The following PITPNM1 variants were observed in gnomAD, a reference collection of about 807,000 sequenced individuals.
PITPNM1 encodes phosphatidylinositol transfer protein membrane associated 1.
In PITPNM1, 74 loss-of-function variants were observed where a neutral mutation model predicts 133.3. The ratio of observed to expected loss-of-function variants is 0.56; its 90% CI spans 0.46 to 0.67. The LOEUF is 0.67. Among genes scored for constraint, PITPNM1 ranks in the 30% least tolerant of loss-of-function variants. The pLI, the probability that PITPNM1 is intolerant of heterozygous loss-of-function variation, is 0.00. For synonymous variants in PITPNM1, 738 were observed against 741.4 expected (o/e 1.00, Z 0.08); for missense variants, 1,398 against 1,739.5 (o/e 0.80, Z 3.49).
Position 67,495,537 on chromosome 11 carries a change from G to A in PITPNM1, c.2383C>T (p.Pro795Ser). ...EELEMLVPST[P>S]TSTSGAFWKG... The stretch of plus-strand genomic sequence containing the variant: ...CAGAAGGCACCGCTAGTAGAGGTGG[G>A]TGTTGAGGGCACCAGCATCTCCAGC... The change falls in exon 16 of 24, where the codon CCC becomes TCC. Residue 795 changes from proline (P) to serine (S), a missense_variant. By Grantham distance (74) the Pro-to-Ser change is moderately conservative. Coordinates refer to ENST00000356404, the MANE Select transcript of PITPNM1 (RefSeq NM_004910.3). 1 of 1,589,940 alleles carries A rather than the reference G, an allele frequency of 6.3e-7. No homozygotes were observed. Among genetic ancestry groups the A allele is most frequent in the South Asian group, 1.1e-5 (1 of 87,692 alleles).
chr11:67,493,388 G>A (rs1866000076), intron 22 of PITPNM1, 22 bp downstream of exon 22: 1 of 1,548,552 alleles, frequency 6.5e-7, no homozygotes. Flanking sequence ...TCAGGACCCG[G>A]AGCCTCCCCC....
Position 67,502,802 on chromosome 11 carries a change from G to C in PITPNM1, c.79-84C>G, listed in dbSNP as rs1866378538. 1 of 1,365,366 alleles carries C rather than the reference G, an allele frequency of 7.3e-7. No individual in the cohort carries two copies. Among genetic ancestry groups the C allele is most frequent in the African/African-American group, 1.4e-5 (1 of 69,946 alleles). The allele number at this position is 1,365,366 out of a possible 1,614,324, so 84.6% of individuals were successfully genotyped here. On this transcript the variant is annotated intron_variant, in intron 2 of 23. Coordinates refer to ENST00000356404, the MANE Select transcript of PITPNM1 (RefSeq NM_004910.3). The surrounding 1 kb of genome is among the most constrained non-coding windows in gnomAD (Gnocchi z 5.9). ...CCAGCTCAGCCTGGTGTTCTACACA[G>C]CTCTGGGGCCCTGGTCCCAGCCTTT...
At position 67,493,601 on chromosome 11, in the gene PITPNM1, G is replaced by A; in HGVS notation, c.3159-8C>T. 1 of 1,545,416 alleles carries A rather than the reference G, an allele frequency of 6.5e-7. No individual in the cohort carries two copies. Among genetic ancestry groups the A allele is most frequent in the Non-Finnish European group, 8.7e-7 (1 of 1,144,084 alleles). ...CCGGAGTCCTGCCAGTGCCTGTGGG[G>A]CGGGGGCAGCGGTCAGCTCCGCTGG... On this transcript the variant is annotated splice_region_variant and splice_polypyrimidine_tract_variant and intron_variant, in intron 21 of 23. Coordinates refer to ENST00000356404, the MANE Select transcript of PITPNM1 (RefSeq NM_004910.3).
At chr11:67,494,201 G>A (rs924479960) in intron 19 of PITPNM1, 43 bp downstream of exon 19, 2 of 1,588,856 alleles carry the variant, frequency 1.3e-6, no homozygotes, top group Middle Eastern at 3.3e-4. Flanking sequence ...GAGGACAGGA[G>A]ATGGGGCCAT....
chr11:67,493,705 G>C lies in PITPNM1; in HGVS notation c.3141C>G (p.Gly1047=). 1 of 1,546,786 alleles carries C rather than the reference G, an allele frequency of 6.5e-7. No homozygotes were observed. The highest frequency in any genetic ancestry group is 8.7e-7 in the Non-Finnish European group (1 of 1,146,938). ...ACTCCTACCTGACCACGTCCACGGCGCCAGCTCGCACCTTGGGGTCGCTGC... is the reference window on the plus strand; with the variant it reads ...ACTCCTACCTGACCACGTCCACGGCCCCAGCTCGCACCTTGGGGTCGCTGC... The part of the protein sequence containing the change: ...IMGSDPKVRA[G]AVDVVRHWQD... The change falls in exon 21 of 24, where the codon GGC becomes GGG. Residue 1047 remains glycine (G), a synonymous_variant. Transcript: ENST00000356404.
chr11:67,494,340 C>T lies in PITPNM1; in HGVS notation c.2763G>A (p.Arg921=). Residue 921 remains arginine, a synonymous_variant, in exon 19 of 24, where the codon CGG becomes CGA. Coordinates refer to ENST00000356404, the MANE Select transcript of PITPNM1 (RefSeq NM_004910.3). ...CCTCGCACACCACCGTGTCGCTCGC[C>T]CGGTGGTTGGAAGTGACGTTCTAGA... ...VKIRNVTSNH[R]ASDTVVCEGR... 6.2e-7 allele frequency: 1 copy of T among 1,607,532 alleles called. No individual in the cohort carries two copies. Among genetic ancestry groups the T allele is most frequent in the Non-Finnish European group, 8.5e-7 (1 of 1,177,324 alleles).
Position 67,492,153 on chromosome 11 carries a change from GCT to G in PITPNM1, c.3613_3614del (p.Ser1205ProfsTer14). 3 of 1,611,618 alleles carry G rather than the reference GCT, an allele frequency of 1.9e-6. No homozygotes were observed. The highest frequency in any genetic ancestry group is 2.5e-6 in the Non-Finnish European group (3 of 1,179,826). ...TGGGGCCCCTCGAGCGAAGCAGCTG[GCT>G]CTGTTTGCGCAGGAAGTCCACGGGG... ...AAPVDFLRKQ[S>X]QLLRSRGPSQ... On this transcript the variant is annotated frameshift_variant, in exon 24 of 24. Transcript: ENST00000356404. LOFTEE classifies it high-confidence loss of function.
chr11:67,502,764 G>T lies in PITPNM1; in HGVS notation c.79-46C>A. 1 of 1,572,862 alleles carries T rather than the reference G, an allele frequency of 6.4e-7. No individual in the cohort carries two copies. The highest frequency in any genetic ancestry group is 8.7e-7 in the Non-Finnish European group (1 of 1,146,500). On this transcript the variant is annotated intron_variant, in intron 2 of 23. Transcript: ENST00000356404. This position sits in a 1 kb window ranked among gnomAD's most constrained non-coding sequence, Gnocchi z 5.9. ...GGACAGGGAGCTCAGCCCCAGCTTA[G>T]CATCTGGGATCCCCAGCTCAGCCTG...
upstream of PITPNM1, chr11:67,505,445 G>A (rs1866474839): frequency 1.3e-5 from 2 of 152,086 alleles, no homozygotes; most frequent in South Asian, 2.1e-4. This position sits in a 1 kb window ranked among gnomAD's most constrained non-coding sequence, Gnocchi z 5.8. Flanking sequence ...CCACCCCGGC[G>A]GGGTCCGGGC....
Position 67,498,683 on chromosome 11 carries a change from A to G in PITPNM1, c.1397T>C (p.Ile466Thr), listed in dbSNP as rs767849111. The G allele has an allele frequency of 6.2e-7, 1 of 1,603,562 alleles. No homozygotes were observed. The highest frequency in any genetic ancestry group is 8.5e-7 in the Non-Finnish European group (1 of 1,179,940). The change falls in exon 10 of 24, where the codon ATC (isoleucine) becomes ACC (threonine). Residue 466 changes from isoleucine (I) to threonine (T), a missense_variant. By Grantham distance (89) the Ile-to-Thr change is moderately conservative. Around this residue, in one of 5 missense-constraint regions of PITPNM1, gnomAD observed 574 missense variants for 698.7 expected, o/e 0.82. Coordinates refer to ENST00000356404, the MANE Select transcript of PITPNM1 (RefSeq NM_004910.3). This position sits in a 1 kb window ranked among gnomAD's most constrained non-coding sequence, Gnocchi z 5.7. ...GTGGCCCAAGGCCTCAGGGAAGTGG[A>G]TGCGGGTGACGGCCTCGAAGGCGGA... ...LSSAFEAVTR[I>T]HFPEALGHVA...
Position 67,500,084 on chromosome 11 carries a change from C to T in PITPNM1, c.967+11G>A, listed in dbSNP as rs1373772478. The T allele has an allele frequency of 6.3e-6, 10 of 1,598,716 alleles. No homozygotes were observed. Among genetic ancestry groups the T allele is most frequent in the Non-Finnish European group, 7.7e-6 (9 of 1,169,724 alleles). On this transcript the variant is annotated intron_variant, in intron 6 of 23. Transcript: ENST00000356404. ...AGGGCCGTTCCTCCCATCCCTGTGC[C>T]CCAGCCTCACCTCCATGTTGGGATG...
In PITPNM1 at chr11:67,503,952, C is replaced by T. The variant is rs1271031802; in HGVS notation, c.78+151G>A. 2.1e-5 allele frequency: 12 copies of T among 569,402 alleles called. No homozygotes were observed. In the East Asian group the frequency reaches 3.8e-4, roughly 18 times the overall value. The allele number at this position is 569,402 out of a possible 1,614,324, so 35.3% of individuals were successfully genotyped here. A position where few individuals can be genotyped will look rare whatever the true frequency, so the allele number is the denominator to read the frequency against. On this transcript the variant is annotated intron_variant, in intron 2 of 23. Transcript: ENST00000356404. ...GAAGCACCACTCGGCCCTCCTGCCC[C>T]TCTTCCCACAGTCCTTCCCCATTCC...
intron 15 of PITPNM1, 60 bp from the exon 16 acceptor site, chr11:67,495,662 C>CCAGG: frequency 2.1e-6 from 3 of 1,442,566 alleles, no homozygotes; most frequent in Non-Finnish European, 2.8e-6. Flanking sequence ...GTCTTCTCAC[C>CCAGG]CAGGGCTCCC....
chr11:67,499,978 CCACT>C lies in PITPNM1; in HGVS notation c.995_998del (p.Glu332GlyfsTer36), dbSNP rs770808292. 1 of 1,612,606 alleles carries C rather than the reference CCACT, an allele frequency of 6.2e-7. No homozygotes were observed. Among genetic ancestry groups the C allele is most frequent in the South Asian group, 1.1e-5 (1 of 91,086 alleles). ...AGTCTCGGGCAATGTTCTGCATGCG[CCACT>C]CAGACAAGCTCTGGGGAGACACAGC... On this transcript the variant is annotated frameshift_variant, in exon 7 of 24. Coordinates refer to ENST00000356404, the MANE Select transcript of PITPNM1 (RefSeq NM_004910.3). LOFTEE classifies it high-confidence loss of function.
In PITPNM1 at chr11:67,498,655, C is replaced by G; in HGVS notation, c.1425G>C (p.Val475=). Residue 475 remains valine, a synonymous_variant, in exon 10 of 24, where the codon GTG becomes GTC. Coordinates refer to ENST00000356404, the MANE Select transcript of PITPNM1 (RefSeq NM_004910.3). This position sits in a 1 kb window ranked among gnomAD's most constrained non-coding sequence, Gnocchi z 5.7. ...GTGGACAGGGCACCAGTCGCAGCGC[C>G]ACGTGGCCCAAGGCCTCAGGGAAGT... is the stretch of plus-strand genomic sequence containing the variant. ...RIHFPEALGH[V]ALRLVPCPPI... 3 of 1,600,674 alleles carry G rather than the reference C, an allele frequency of 1.9e-6. No homozygotes were observed. The highest frequency in any genetic ancestry group is 1.7e-6 in the Non-Finnish European group (2 of 1,179,930).
rs2134267284 is a variant in PITPNM1, at chr11:67,493,070, G to A, written c.3343-8C>T. 6.2e-7 allele frequency: 1 copy of A among 1,612,830 alleles called. No homozygotes were observed. Among genetic ancestry groups the A allele is most frequent in the Non-Finnish European group, 8.5e-7 (1 of 1,179,836 alleles). On this transcript the variant is annotated splice_polypyrimidine_tract_variant and splice_region_variant and intron_variant, in intron 22 of 23. Transcript: ENST00000356404. ...CACGATGTTCAGTTCTACCTGTGGC[G>A]GGAGATGCCAATCAGCCGCCCCAGG...
In PITPNM1 at chr11:67,491,971, C is replaced by T. The variant is rs1042037808; in HGVS notation, c.*62G>A. ...AAGTCTGGGTCCCCAGCCTCCCACA[C>T]GCAGCCCCTCGGGCCCCTTGGGTGT... On this transcript the variant is annotated 3_prime_UTR_variant, in exon 24 of 24. Transcript: ENST00000356404. The T allele has an allele frequency of 5.7e-5, 89 of 1,556,460 alleles. No individual in the cohort carries two copies. Among genetic ancestry groups the T allele is most frequent in the Non-Finnish European group, 7.1e-5 (81 of 1,148,110 alleles).
chr11:67,504,197 G>A lies in PITPNM1; in HGVS notation c.-17C>T, dbSNP rs1591068093. Reference sequence around the variant, plus strand: ...GATGAGCATCCTGAAGGCGCTCGGCGGGCCGCGCGCGGCCTCCGCTCCTCC... The same window carrying A: ...GATGAGCATCCTGAAGGCGCTCGGCAGGCCGCGCGCGGCCTCCGCTCCTCC... On this transcript the variant is annotated 5_prime_UTR_variant, in exon 2 of 24. Transcript: ENST00000356404. This position sits in a 1 kb window ranked among gnomAD's most constrained non-coding sequence, Gnocchi z 5.4. 3.8e-6 allele frequency: 6 copies of A among 1,586,840 alleles called. No individual in the cohort carries two copies. The highest frequency in any genetic ancestry group is 4.6e-5 in the East Asian group (2 of 43,298).
At chr11:67,497,091 G>A in intron 14 of PITPNM1, 140 bp downstream of exon 14, 1 of 685,892 alleles carries the variant, frequency 1.5e-6, no homozygotes, top group Non-Finnish European at 2.3e-6. Flanking sequence ...TGGGCCTCAG[G>A]TTCCCCTTCT....
Sources: gnomAD v4.1 joint callset for allele counts on GRCh38, gnomAD v4.1.1 for gene constraint, gnomAD v4.1.1 regional missense constraint, Gnocchi (gnomAD v3.1) non-coding constraint, MANE v1.5 for transcripts, NCBI Gene and HGNC (gene_info 2026-07-23, HGNC 2026-07-21) for gene names.